The following SH3RF1 variants were observed in gnomAD, a reference collection of about 807,000 sequenced individuals.
SH3RF1 encodes E3 ubiquitin-protein ligase SH3RF1.
SH3RF1 carries 32 observed loss-of-function variants against 74.0 expected under a neutral mutation model. That is an observed-to-expected ratio of 0.43 (90% CI 0.33 to 0.58). The LOEUF (loss-of-function observed/expected upper bound fraction) is 0.58. Among genes scored for constraint, SH3RF1 ranks in the 20% least tolerant of loss-of-function variants. The probability of loss-of-function intolerance (pLI) is 0.05; values close to 1 mark genes in which losing one functional copy is unlikely to be tolerated. For missense variants in SH3RF1, 954 were observed against 1,130.9 expected, an observed-to-expected ratio of 0.84 and a Z score of 2.24; for synonymous variants, 396 against 439.6, an observed-to-expected ratio of 0.90 and a Z score of 1.24.
In SH3RF1 at chr4:169,130,668, G is replaced by C. The variant is rs1282840788; in HGVS notation, c.1069-512C>G. On this transcript the variant is annotated intron_variant, in intron 5 of 11. Coordinates refer to ENST00000284637, the MANE Select transcript of SH3RF1 (RefSeq NM_020870.4). ...GGTGGGGATGCATAATTAAAATGCA[G>C]CTGCCTAGACATGCTTAGAGCGGGC... is the stretch of plus-strand genomic sequence containing the variant. 2.6e-5 allele frequency among the ~76,000 whole-genome samples: 4 copies of C among 152,174 alleles called. No individual in the cohort carries two copies. The East Asian group carries it at 7.7e-4, about 29-fold the overall frequency.
chr4:169,227,677 T>G (rs1730673568), intron 2 of SH3RF1, among the ~76,000 whole-genome samples: 4 of 152,254 alleles, frequency 2.6e-5, no homozygotes. Context: ...TTACTCTCTC[T>G]GTGTGCCTTT....
chr4:169,241,936 C>T (rs1730918503), intron 2 of SH3RF1, among the ~76,000 whole-genome samples: 1 of 152,042 alleles, frequency 6.6e-6, no homozygotes, highest in South Asian at 2.1e-4. Flanking sequence ...GCATTAAACA[C>T]TAGATTTAAA....
At chr4:169,111,824 T>C (rs1733249944) in intron 10 of SH3RF1, among the ~76,000 whole-genome samples, 1 of 152,154 alleles carries the variant, frequency 6.6e-6, no homozygotes, top group Admixed American at 6.5e-5. Flanking sequence ...AGATGAAACA[T>C]AGAGTTTCAG....
chr4:169,123,719 A>G (rs1733478885), intron 6 of SH3RF1, among the ~76,000 whole-genome samples: 2 of 152,082 alleles, frequency 1.3e-5, no homozygotes, highest in African/African-American at 4.8e-5. Context: ...GTGAAACCCC[A>G]TCTCTACTAA....
chr4:169,175,562 T>C (rs1326675467), intron 2 of SH3RF1, among the ~76,000 whole-genome samples: 1 of 152,180 alleles, frequency 6.6e-6, no homozygotes, highest in Non-Finnish European at 1.5e-5. Flanking sequence ...TCTGCTCTAA[T>C]GTCATCTCAG....
At chr4:169,252,649 A>T (rs991499649) in intron 2 of SH3RF1, among the ~76,000 whole-genome samples, 3 of 152,168 alleles carry the variant, frequency 2.0e-5, no homozygotes, top group African/African-American at 7.2e-5. Context: ...AACCTATTCT[A>T]TTTTTTTGGC....
At chr4:169,158,231 T>C (rs1477353755) in intron 2 of SH3RF1, among the ~76,000 whole-genome samples, 2 of 152,164 alleles carry the variant, frequency 1.3e-5, no homozygotes, top group Non-Finnish European at 2.9e-5. Flanking sequence ...AATGAAACAC[T>C]TCCTGGAGGA....
intron 2 of SH3RF1, among the ~76,000 whole-genome samples, chr4:169,163,758 C>T (rs1734189419): frequency 6.6e-6 from 1 of 152,210 alleles, no homozygotes; most frequent in South Asian, 2.1e-4. Flanking sequence ...CAACTTCATA[C>T]ATGCCATCTC....
chr4:169,187,516 CTGTGTGTGTGTGTGTG>C (rs60705711), intron 2 of SH3RF1, among the ~76,000 whole-genome samples: 3,738 of 143,938 alleles, frequency 0.026, 89 homozygotes, highest in African/African-American at 0.06. Context: ...CAACGAATTT[CTGTGTGTGTGTGTGTG>C]TGTGTGTGTG....
chr4:169,143,516 C>T (rs746804488), intron 4 of SH3RF1, among the ~76,000 whole-genome samples: 6 of 151,810 alleles, frequency 4.0e-5, no homozygotes, highest in Non-Finnish European at 5.9e-5. Context: ...GCTGTGCTCC[C>T]GAGGCTCATT....
chr4:169,159,412 C>A (rs1734116707), intron 2 of SH3RF1, among the ~76,000 whole-genome samples: 1 of 152,100 alleles, frequency 6.6e-6, no homozygotes, highest in Non-Finnish European at 1.5e-5. Context: ...AGAGAGAGAA[C>A]TGGCAAGTAC....
intron 4 of SH3RF1, among the ~76,000 whole-genome samples, chr4:169,145,058 T>C (rs1340028161): frequency 6.6e-6 from 1 of 152,144 alleles, no homozygotes; most frequent in Non-Finnish European, 1.5e-5. Context: ...AATAGTGTAC[T>C]TAACCCAGCA....
chr4:169,187,004 C>A (rs1734616183), intron 2 of SH3RF1, among the ~76,000 whole-genome samples: 1 of 134,006 alleles, frequency 7.5e-6, no homozygotes, highest in Non-Finnish European at 1.6e-5. Context: ...CAGAGCGAGG[C>A]TCCATCGCAA....
chr4:169,125,359 G>A (rs1441233611), intron 6 of SH3RF1, among the ~76,000 whole-genome samples: 1 of 152,182 alleles, frequency 6.6e-6, no homozygotes, highest in East Asian at 1.9e-4. Context: ...CACTGTGAGT[G>A]AAAAGTTCAA....
At chr4:169,113,962 G>A (rs1046663478) in intron 10 of SH3RF1, among the ~76,000 whole-genome samples, 1 of 152,136 alleles carries the variant, frequency 6.6e-6, no homozygotes, top group African/African-American at 2.4e-5. Context: ...AAAGAACAAC[G>A]GTTGGAAGGT....
At chr4:169,212,961 C>T (rs1730405001) in intron 2 of SH3RF1, among the ~76,000 whole-genome samples, 1 of 152,136 alleles carries the variant, frequency 6.6e-6, no homozygotes, top group Admixed American at 6.5e-5. Flanking sequence ...TTGGTTGCTT[C>T]CAAGTTTTGG....
chr4:169,116,209 A>C, intron 10 of SH3RF1, 60 bp downstream of exon 10: 2 of 1,538,218 alleles, frequency 1.3e-6, no homozygotes, highest in Non-Finnish European at 1.8e-6. Context: ...CAGACACAAC[A>C]TAAGAAGAAA....
intron 6 of SH3RF1, among the ~76,000 whole-genome samples, chr4:169,125,906 C>T (rs1420261848): frequency 6.6e-6 from 1 of 152,178 alleles, no homozygotes; most frequent in Non-Finnish European, 1.5e-5. Flanking sequence ...AGCAGCATTA[C>T]CATCTACATG....
chr4:169,269,616 GCTC>G (rs1731411666), intron 1 of SH3RF1: 3 of 159,542 alleles, frequency 1.9e-5, no homozygotes, highest in African/African-American at 7.2e-5. Context: ...AATTTCTTAA[GCTC>G]TGAAAGTGGT....
Sources: gnomAD v4.1 joint callset for allele counts (sites outside exome capture counted in the v4.1 genomes callset) on GRCh38, gnomAD v4.1.1 for gene constraint, MANE v1.5 for transcripts, NCBI Gene and HGNC (gene_info 2026-07-23, HGNC 2026-07-21) for gene names.